The following ZNF469 variants were observed in gnomAD, a reference collection of about 807,000 sequenced individuals.
ZNF469 encodes the protein zinc finger protein 469.
A neutral mutation model predicts 1.0 loss-of-function variants in ZNF469; 1 was observed. That is an observed-to-expected ratio of 1.00 (90% CI 0.35 to 4.73). The LOEUF is 4.73. ZNF469 is among the 30% of genes most tolerant of loss of function. The pLI is 0.16. For missense variants in ZNF469, 6,100 were observed against 5,356.3 expected (o/e 1.14, Z -4.33); for synonymous variants, 2,703 against 2,363.4 (o/e 1.14, Z -4.17).
chr16:88,327,773 G>A, the ZNF469 span, among the ~76,000 whole-genome samples: 8 of 152,332 alleles, frequency 5.3e-5, no homozygotes, highest in South Asian at 6.2e-4. Flanking sequence ...GGTGTCATCC[G>A]GAAGGAGCTG....
the ZNF469 span, among the ~76,000 whole-genome samples, chr16:88,324,392 G>A: frequency 6.6e-6 from 1 of 152,260 alleles, no homozygotes; most frequent in Non-Finnish European, 1.5e-5. Flanking sequence ...TGTGCCGTCT[G>A]GGATGTTGAC....
In ZNF469 at chr16:88,398,466, C is replaced by A. The variant is rs560117631; in HGVS notation, c.-192+15212C>A. On this transcript the variant is annotated intron_variant, in intron 1 of 2. Transcript: ENST00000565624. ...CATGTGAGACATGGTTAAAGGGGGA[C>A]CCGTGAGCCACGGATGAAGGGGGGC... 2.0e-5 allele frequency among the ~76,000 whole-genome samples: 3 copies of A among 150,400 alleles called. No individual in the cohort carries two copies. In the South Asian group the frequency reaches 6.3e-4, roughly 32 times the overall value.
At chr16:88,392,695 C>T (rs1211765178) in intron 1 of ZNF469, among the ~76,000 whole-genome samples, 5 of 152,222 alleles carry the variant, frequency 3.3e-5, no homozygotes, top group African/African-American at 1.2e-4. Flanking sequence ...ATGGCAGCTG[C>T]TGTCCCCAGA....
At chr16:88,122,852 T>G in the ZNF469 span, among the ~76,000 whole-genome samples, 10 of 152,092 alleles carry the variant, frequency 6.6e-5, no homozygotes, top group African/African-American at 2.4e-4. Flanking sequence ...TGTATAAATA[T>G]ATATTTTAGA....
the ZNF469 span, among the ~76,000 whole-genome samples, chr16:88,371,622 T>G: frequency 5.3e-5 from 8 of 152,326 alleles, no homozygotes; most frequent in East Asian, 1.5e-3. Flanking sequence ...TTCACACTCA[T>G]GCTTACAGTA....
At position 88,383,233 on chromosome 16, in the gene ZNF469, C is replaced by T. The variant is rs1342835397; in HGVS notation, c.-213C>T. On this transcript the variant is annotated 5_prime_UTR_variant, in exon 1 of 3. Transcript: ENST00000565624. Reference sequence around the variant, plus strand: ...CGTTGGCGGCGGCCGGCGTGGCGGGCGGAGCGGGCCTCGGAGCGGAGGTGA... The same window carrying T: ...CGTTGGCGGCGGCCGGCGTGGCGGGTGGAGCGGGCCTCGGAGCGGAGGTGA... 6.8e-6 allele frequency among the ~76,000 whole-genome samples: 1 copy of T among 147,062 alleles called. No homozygotes were observed. The highest frequency in any genetic ancestry group is 2.0e-4 in the East Asian group (1 of 5,110).
the ZNF469 span, among the ~76,000 whole-genome samples, chr16:88,112,531 T>G: frequency 0.22 from 33,629 of 152,096 alleles, 4,525 homozygotes; most frequent in Non-Finnish European, 0.3. Context: ...TCTCTGACGA[T>G]CAATGATGCT....
chr16:88,277,452 G>T, the ZNF469 span, among the ~76,000 whole-genome samples: 1 of 143,646 alleles, frequency 7.0e-6, no homozygotes, highest in Non-Finnish European at 1.5e-5. Flanking sequence ...CTGACGCTTG[G>T]TCAGTACCAT....
chr16:88,143,684 A>G, the ZNF469 span, among the ~76,000 whole-genome samples: 1 of 152,212 alleles, frequency 6.6e-6, no homozygotes, highest in African/African-American at 2.4e-5. Flanking sequence ...TTAAATGATG[A>G]CAGCTTGTCA....
In ZNF469 at chr16:88,434,699, C is replaced by G. The variant is rs1011558573; in HGVS notation, c.7229C>G (p.Ala2410Gly). 26 of 1,550,394 alleles carry G rather than the reference C, an allele frequency of 1.7e-5. No individual in the cohort carries two copies. In the East Asian group the frequency reaches 6.1e-4, roughly 36 times the overall value. Residue 2410 changes from alanine (A) to glycine (G), a missense_variant, in exon 3 of 3, where the codon GCC (alanine) becomes GGC (glycine). Transcript: ENST00000565624. Reference protein sequence around the residue: ...STGLGLGRTTAPSSTASDFQS... With the variant: ...STGLGLGRTTGPSSTASDFQS... ...GGACTGGGCTTGGGAAGAACCACAGCCCCAAGCAGCACAGCCAGTGACTTC... is the reference window on the plus strand; with the variant it reads ...GGACTGGGCTTGGGAAGAACCACAGGCCCAAGCAGCACAGCCAGTGACTTC...
At chr16:88,373,570 G>C in the ZNF469 span, among the ~76,000 whole-genome samples, 1 of 152,158 alleles carries the variant, frequency 6.6e-6, no homozygotes, top group African/African-American at 2.4e-5. Flanking sequence ...GAAAAGCCTG[G>C]ACCAGACCAC....
chr16:88,269,320 C>T, the ZNF469 span, among the ~76,000 whole-genome samples: 41 of 152,178 alleles, frequency 2.7e-4, no homozygotes, highest in East Asian at 7.7e-3. Flanking sequence ...TGCACCCAGG[C>T]GGCCGGGCCT....
the ZNF469 span, among the ~76,000 whole-genome samples, chr16:88,199,181 G>T: frequency 4.3e-4 from 65 of 152,238 alleles, 1 homozygote; most frequent in East Asian, 8.9e-3. Context: ...AGGACCTCAC[G>T]GTCAAGGGCA....
At chr16:88,308,134 C>A in the ZNF469 span, among the ~76,000 whole-genome samples, 1 of 152,228 alleles carries the variant, frequency 6.6e-6, no homozygotes, top group Admixed American at 6.5e-5. Flanking sequence ...TGTTGGAAAT[C>A]AGTGGACTGT....
intron 1 of ZNF469, among the ~76,000 whole-genome samples, chr16:88,415,405 C>G (rs934647946): frequency 2.9e-4 from 44 of 152,226 alleles, no homozygotes; most frequent in Admixed American, 2.9e-3. Flanking sequence ...GACTCCACCC[C>G]TGGCTGAAGG....
chr16:88,362,219 A>T, the ZNF469 span, among the ~76,000 whole-genome samples: 1 of 152,218 alleles, frequency 6.6e-6, no homozygotes, highest in Non-Finnish European at 1.5e-5. Flanking sequence ...TTGTATACCA[A>T]TTCCAATGGT....
the ZNF469 span, among the ~76,000 whole-genome samples, chr16:88,312,893 C>G: frequency 4.8e-4 from 73 of 152,226 alleles, no homozygotes; most frequent in African/African-American, 1.7e-3. Flanking sequence ...CCTCCATGCC[C>G]TCACGAATTA....
At chr16:88,383,997 AC>A in intron 1 of ZNF469, among the ~76,000 whole-genome samples, 1 of 152,082 alleles carries the variant, frequency 6.6e-6, no homozygotes, top group Middle Eastern at 3.4e-3. Flanking sequence ...TTGTCCCTGC[AC>A]CCTGGGCCGA....
upstream of ZNF469, among the ~76,000 whole-genome samples, chr16:88,378,923 A>T (rs936718883): frequency 6.6e-6 from 1 of 152,234 alleles, no homozygotes; most frequent in African/African-American, 2.4e-5. Context: ...CATCTGGGGC[A>T]GGCGTGGGCC....
Sources: gnomAD v4.1 joint callset for allele counts (sites outside exome capture counted in the v4.1 genomes callset) on GRCh38, gnomAD v4.1.1 for gene constraint, MANE v1.5 for transcripts, NCBI Gene and HGNC (gene_info 2026-07-23, HGNC 2026-07-21) for gene names.